The following ANKRD10 variants were observed in gnomAD, a reference collection of about 807,000 sequenced individuals.
ANKRD10 encodes ankyrin repeat domain-containing protein 10.
A neutral mutation model predicts 27.0 loss-of-function variants in ANKRD10; 14 were observed. That is an observed-to-expected ratio of 0.52 (90% CI 0.34 to 0.81). ANKRD10 has a LOEUF of 0.81. Among genes scored for constraint, ANKRD10 ranks in the 40% least tolerant of loss-of-function variants. The pLI is 0.01. For missense variants in ANKRD10, 493 were observed against 544.0 expected, an observed-to-expected ratio of 0.91 and a Z score of 0.93; for synonymous variants, 250 against 224.5, an observed-to-expected ratio of 1.11 and a Z score of -1.01.
chr13:110,914,575 C>T (rs2065830576), intron 1 of ANKRD10, 150 bp downstream of exon 1: 1 of 1,109,192 alleles, frequency 9.0e-7, no homozygotes, highest in Non-Finnish European at 1.2e-6. Flanking sequence ...GCCGCACAGG[C>T]GCCCTAGGCC....
chr13:110,906,808 G>C (rs1167167910), intron 2 of ANKRD10, among the ~76,000 whole-genome samples: 1 of 152,090 alleles, frequency 6.6e-6, no homozygotes, highest in Non-Finnish European at 1.5e-5. Flanking sequence ...TCCTGGTTCA[G>C]AAAGTGCAGA....
chr13:110,908,655 T>C (rs1228368119), intron 2 of ANKRD10, among the ~76,000 whole-genome samples: 1 of 152,154 alleles, frequency 6.6e-6, no homozygotes, highest in East Asian at 1.9e-4. Flanking sequence ...TACCTGGAGA[T>C]GAGTCAGCAG....
At chr13:110,898,885 A>T (rs915892018) in intron 3 of ANKRD10, among the ~76,000 whole-genome samples, 1 of 150,256 alleles carries the variant, frequency 6.7e-6, no homozygotes. Context: ...CCTCCCGAGT[A>T]GCTGGTATTA....
rs753988243 is a variant in ANKRD10, at chr13:110,914,708, A to C, written c.210+17T>G. The C allele has an allele frequency of 2.6e-6, 4 of 1,560,526 alleles. No homozygotes were observed. The highest frequency in any genetic ancestry group is 2.6e-6 in the Non-Finnish European group (3 of 1,152,370). On this transcript the variant is annotated intron_variant, in intron 1 of 5. Transcript: ENST00000267339. The stretch of plus-strand genomic sequence containing the variant: ...GGACAGCCGGGGAAAATGGCGCCTT[A>C]AAGCGTTCGCACCCACCTTGCCGAA...
chr13:110,892,980 C>CA (rs1191633713), intron 4 of ANKRD10, 48 bp downstream of exon 4: 2 of 1,600,170 alleles, frequency 1.2e-6, no homozygotes, highest in Non-Finnish European at 1.7e-6. Context: ...AAACATATTA[C>CA]AGAAAGGAAA....
chr13:110,891,268 A>T (rs1261164630), intron 4 of ANKRD10, among the ~76,000 whole-genome samples: 1 of 152,218 alleles, frequency 6.6e-6, no homozygotes, highest in Admixed American at 6.5e-5. Flanking sequence ...ATGACAAAGG[A>T]TTTTTTTAAA....
At chr13:110,905,877 A>G (rs1339456898) in intron 3 of ANKRD10, among the ~76,000 whole-genome samples, 156 bp downstream of exon 3, 1 of 152,206 alleles carries the variant, frequency 6.6e-6, no homozygotes, top group Non-Finnish European at 1.5e-5. Context: ...TAATCCACAC[A>G]ATTTTCCTCA....
At chr13:110,903,593 G>A (rs2065445119) in intron 3 of ANKRD10, 1 of 153,908 alleles carries the variant, frequency 6.5e-6, no homozygotes, top group South Asian at 2.1e-4. Flanking sequence ...GACACTTAGT[G>A]TACTTGCCCT....
chr13:110,906,260 G>A (rs1594625203), intron 2 of ANKRD10, 136 bp from the exon 3 acceptor site: 2 of 671,948 alleles, frequency 3.0e-6, no homozygotes, highest in Non-Finnish European at 4.9e-6. Flanking sequence ...ATCTGAAGCA[G>A]AACACAAAGA....
intron 3 of ANKRD10, among the ~76,000 whole-genome samples, chr13:110,896,846 A>G (rs547534353): frequency 1.2e-3 from 176 of 152,318 alleles, no homozygotes; most frequent in Non-Finnish European, 2.0e-3. Flanking sequence ...TGTAGAAACC[A>G]TTCTTGGGCC....
intron 5 of ANKRD10, among the ~76,000 whole-genome samples, chr13:110,881,141 T>C (rs2064809239): frequency 6.6e-6 from 1 of 152,180 alleles, no homozygotes; most frequent in Non-Finnish European, 1.5e-5. Flanking sequence ...CACGTAACAG[T>C]ATAAGGGATG....
At chr13:110,902,798 A>G (rs896762439) in intron 3 of ANKRD10, among the ~76,000 whole-genome samples, 2 of 152,196 alleles carry the variant, frequency 1.3e-5, no homozygotes, top group Admixed American at 6.5e-5. Flanking sequence ...CTGAGATGCA[A>G]GTCATGCTGG....
chr13:110,900,851 G>C (rs2065362642), intron 3 of ANKRD10: 2 of 389,800 alleles, frequency 5.1e-6, no homozygotes, highest in South Asian at 4.2e-5. Context: ...ATAAGGTGCA[G>C]AAGCACACTG....
At chr13:110,909,327 A>G (rs1244917761) in intron 2 of ANKRD10, among the ~76,000 whole-genome samples, 1 of 152,236 alleles carries the variant, frequency 6.6e-6, no homozygotes, top group Non-Finnish European at 1.5e-5. Context: ...CAAGGAATCA[A>G]GCCCACACTG....
intron 1 of ANKRD10, 158 bp downstream of exon 1, chr13:110,914,567 C>T: frequency 1.9e-6 from 2 of 1,071,472 alleles, no homozygotes; most frequent in Non-Finnish European, 1.2e-6. Flanking sequence ...CGAGCGCTGC[C>T]GCACAGGCGC....
At chr13:110,887,139 C>G (rs1022036314) in intron 4 of ANKRD10, among the ~76,000 whole-genome samples, 22 of 152,304 alleles carry the variant, frequency 1.4e-4, no homozygotes, top group African/African-American at 5.1e-4. Context: ...CCCTGGGGGA[C>G]ACACAGAGAT....
chr13:110,913,970 G>A (rs1445795869), intron 1 of ANKRD10, among the ~76,000 whole-genome samples: 1 of 152,152 alleles, frequency 6.6e-6, no homozygotes, highest in South Asian at 2.1e-4. Flanking sequence ...GAAAAAAGAG[G>A]GGAACGTAAA....
chr13:110,894,728 A>G (rs934804405), intron 3 of ANKRD10: 5 of 144,914 alleles, frequency 3.5e-5, no homozygotes, highest in Non-Finnish European at 7.7e-5. Flanking sequence ...ACTATTACAG[A>G]CTAAAGTCAC....
Position 110,892,416 on chromosome 13 carries a change from CAAAA to C in ANKRD10, c.691+608_691+611del, listed in dbSNP as rs71127979. The stretch of plus-strand genomic sequence containing the variant: ...TTGCACTCCAGCCTGGGTGACAGAG[CAAAA>C]AAAAAAAAAAAAAAAATGGTGGGAG... On this transcript the variant is annotated intron_variant, in intron 4 of 5. Coordinates refer to ENST00000267339, the MANE Select transcript of ANKRD10 (RefSeq NM_017664.4). 6.6e-4 allele frequency among the ~76,000 whole-genome samples: 13 copies of C among 19,550 alleles called. 1 individual carries two copies. Among genetic ancestry groups the C allele is most frequent in the African/African-American group, 2.9e-3 (10 of 3,390 alleles). 12.8% of individuals were successfully genotyped at this position (19,550 alleles called of 152,430 possible). A position where few individuals can be genotyped will look rare whatever the true frequency, so the allele number is the denominator to read the frequency against.
Sources: allele counts gnomAD v4.1 joint callset (sites outside exome capture counted in the v4.1 genomes callset), GRCh38; gene constraint gnomAD v4.1.1; transcripts MANE v1.5; gene names NCBI Gene and HGNC (gene_info 2026-07-23, HGNC 2026-07-21).